Variants in UBAC1 observed in about 807,000 individuals in gnomAD.
UBAC1 encodes ubiquitin-associated domain-containing protein 1.
UBAC1 carries 27 observed loss-of-function variants against 45.9 expected under a neutral mutation model. The observed-to-expected ratio is 0.59, with a 90% CI of 0.43 to 0.81. The LOEUF is 0.81. UBAC1 is among the 30% of genes least tolerant of loss of function. The probability of loss-of-function intolerance (pLI) is 0.00; values close to 1 mark genes in which losing one functional copy is unlikely to be tolerated. For synonymous variants in UBAC1, 227 were observed against 215.5 expected (o/e 1.05, Z -0.47); for missense variants, 529 against 539.2 (o/e 0.98, Z 0.19).
rs986945503 is a variant in UBAC1 at position 135,961,270 on chromosome 9, G to A, written c.-108C>T. 9.1e-5 allele frequency: 93 copies of A among 1,021,556 alleles called. No individual in the cohort carries two copies. Among genetic ancestry groups the A allele is most frequent in the Non-Finnish European group, 8.8e-5 (73 of 825,196 alleles). 63.3% of individuals were successfully genotyped at this position (1,021,556 alleles called of 1,614,324 possible). A position where few individuals can be genotyped will look rare whatever the true frequency, so the allele number is the denominator to read the frequency against. ...AGACCGCCCGCGCGCTCCTTCGCTG[G>A]GCCGCCGCCCCGCCCCGGCTCCCGT... is the stretch of plus-strand genomic sequence containing the variant. On this transcript the variant is annotated 5_prime_UTR_variant, in exon 1 of 10. Coordinates refer to ENST00000371756, the MANE Select transcript of UBAC1 (RefSeq NM_016172.3).
intron 3 of UBAC1, 37 bp from the exon 4 acceptor site, chr9:135,947,942 G>T (rs75415013): frequency 6.3e-7 from 1 of 1,578,800 alleles, no homozygotes; most frequent in Non-Finnish European, 8.7e-7. Flanking sequence ...TGAGGTGAAC[G>T]TAAGAGCAGC....
intron 7 of UBAC1, among the ~76,000 whole-genome samples, chr9:135,941,622 C>T (rs1463424673): frequency 6.6e-6 from 1 of 152,244 alleles, no homozygotes; most frequent in African/African-American, 2.4e-5. Flanking sequence ...CTCATTTCTA[C>T]CTCAGCCCAG....
intron 1 of UBAC1, 122 bp from the exon 2 acceptor site, chr9:135,955,537 A>C (rs1328558487): frequency 1.8e-6 from 2 of 1,088,940 alleles, no homozygotes; most frequent in African/African-American, 1.6e-5. Context: ...AAGAAATTAC[A>C]CCATGGATGA....
intron 6 of UBAC1, 29 bp downstream of exon 6, chr9:135,945,860 G>T: frequency 6.3e-7 from 1 of 1,598,490 alleles, no homozygotes. Flanking sequence ...GGTGTCTCCG[G>T]CAAGGGAAGG....
chr9:135,950,577 T>G (rs1310005309), intron 3 of UBAC1, among the ~76,000 whole-genome samples: 1 of 152,202 alleles, frequency 6.6e-6, no homozygotes, highest in African/African-American at 2.4e-5. Context: ...ATAGATAATC[T>G]TAATCTATTT....
At chr9:135,948,620 A>T (rs1839368232) in intron 3 of UBAC1, among the ~76,000 whole-genome samples, 3 of 152,244 alleles carry the variant, frequency 2.0e-5, no homozygotes, top group Admixed American at 2.0e-4. Flanking sequence ...CCCTAGGCTC[A>T]TGAGAGGGAA....
At chr9:135,946,407 G>A (rs768987034) in intron 4 of UBAC1, 36 bp from the exon 5 acceptor site, 3 of 1,366,280 alleles carry the variant, frequency 2.2e-6, no homozygotes, top group East Asian at 2.3e-5. Context: ...TTCTCTAAAT[G>A]TCCACCAAAC....
intron 1 of UBAC1, among the ~76,000 whole-genome samples, chr9:135,959,908 C>A (rs896951853): frequency 6.6e-6 from 1 of 152,176 alleles, no homozygotes; most frequent in South Asian, 2.1e-4. Flanking sequence ...CCAGCACCTC[C>A]CAGTTATTCA....
chr9:135,961,307 C>T lies in UBAC1; in HGVS notation c.-145G>A. 3.4e-6 allele frequency: 2 copies of T among 596,588 alleles called. No homozygotes were observed. The highest frequency in any genetic ancestry group is 4.3e-6 in the Non-Finnish European group (2 of 465,356). 37.0% of individuals were successfully genotyped at this position (596,588 alleles called of 1,614,324 possible). ...GCCCCGGCTCCCGTCGGCCGGGCCG[C>T]CGTCACTCTCCGCGGCCTCAGCGGT... On this transcript the variant is annotated 5_prime_UTR_variant, in exon 1 of 10. Coordinates refer to ENST00000371756, the MANE Select transcript of UBAC1 (RefSeq NM_016172.3).
At chr9:135,960,873 G>T in intron 1 of UBAC1, 152 bp downstream of exon 1, 1 of 623,630 alleles carries the variant, frequency 1.6e-6, no homozygotes, top group Admixed American at 4.2e-5. Context: ...AAACGGGCAG[G>T]AGGCGCTGCC....
chr9:135,945,848 C>T lies in UBAC1; in HGVS notation c.653+41G>A, dbSNP rs760332249. The T allele has an allele frequency of 1.3e-5, 20 of 1,565,344 alleles. No individual in the cohort carries two copies. In the African/African-American group the frequency reaches 1.4e-4, roughly 11 times the overall value. ...GTGGGAGCCCCACAAAACCAGGCCC[C>T]AGGTGTCTCCGGCAAGGGAAGGAGG... On this transcript the variant is annotated intron_variant, in intron 6 of 9. Transcript: ENST00000371756.
chr9:135,936,616 C>T (rs113297107), intron 9 of UBAC1, among the ~76,000 whole-genome samples: 6 of 151,898 alleles, frequency 4.0e-5, no homozygotes, highest in African/African-American at 1.4e-4. Context: ...TGCCTCAGCT[C>T]CAGAGTAGCT....
chr9:135,955,491 G>C, intron 1 of UBAC1, 76 bp from the exon 2 acceptor site: 1 of 1,371,258 alleles, frequency 7.3e-7, no homozygotes, highest in Non-Finnish European at 9.6e-7. Context: ...GGCATCCCAA[G>C]CTACACCAGG....
At chr9:135,940,762 G>T (rs1839261011) in intron 7 of UBAC1, among the ~76,000 whole-genome samples, 1 of 152,076 alleles carries the variant, frequency 6.6e-6, no homozygotes, top group Non-Finnish European at 1.5e-5. Context: ...GTTTAAAGGG[G>T]TCCATTTTGA....
At chr9:135,946,175 AGGTTCC>A in intron 5 of UBAC1, 88 bp downstream of exon 5, 1 of 1,094,840 alleles carries the variant, frequency 9.1e-7, no homozygotes, top group South Asian at 1.3e-5. Flanking sequence ...TAAAGCACTG[AGGTTCC>A]GGTCAGTGGT....
intron 7 of UBAC1, among the ~76,000 whole-genome samples, chr9:135,940,511 C>T (rs1158463383): frequency 4.0e-5 from 6 of 149,306 alleles, no homozygotes; most frequent in African/African-American, 7.4e-5. Flanking sequence ...ACCTGGAAGG[C>T]GGAGCTTGCA....
chr9:135,948,926 C>T (rs754637940), intron 3 of UBAC1, among the ~76,000 whole-genome samples: 2 of 151,902 alleles, frequency 1.3e-5, no homozygotes, highest in South Asian at 4.1e-4. Flanking sequence ...AAAAATAAGC[C>T]CGGTGTCCTG....
rs6569 is a variant in UBAC1 at position 135,933,271 on chromosome 9, A to C, written c.*129T>G. ...AGCAATAAGATCAGAGAGCAGGAGC[A>C]GCTGCAGCACCTCTAACAGTCCAGG... On this transcript the variant is annotated 3_prime_UTR_variant, in exon 10 of 10. Transcript: ENST00000371756. The C allele has an allele frequency of 0.53, 360,396 of 686,284 alleles. 95,555 individuals carry two copies. The highest frequency in any genetic ancestry group is 0.56 in the Admixed American group (21,124 of 37,842). 42.5% of individuals were successfully genotyped at this position (686,284 alleles called of 1,614,324 possible).
intron 7 of UBAC1, among the ~76,000 whole-genome samples, chr9:135,944,670 G>A (rs77523095): frequency 0.046 from 7,071 of 152,316 alleles, 406 homozygotes; most frequent in African/African-American, 0.13. Flanking sequence ...CCCCCACCCC[G>A]CAGAGAGGCT....
Sources: allele counts gnomAD v4.1 joint callset (sites outside exome capture counted in the v4.1 genomes callset), GRCh38; gene constraint gnomAD v4.1.1; transcripts MANE v1.5; gene names NCBI Gene and HGNC (gene_info 2026-07-23, HGNC 2026-07-21).